Variants in TAFA1 observed in about 807,000 individuals in gnomAD.
TAFA1 encodes TAFA chemokine like family member 1.
In TAFA1, 4 loss-of-function variants were observed where a neutral mutation model predicts 18.5. That is an observed-to-expected ratio of 0.22 (90% confidence interval 0.11 to 0.49). The LOEUF is 0.49. Ranked by LOEUF, TAFA1 falls within the 20% of genes least tolerant of loss-of-function variation. The probability of loss-of-function intolerance (pLI) is 0.98; values close to 1 mark genes in which losing one functional copy is unlikely to be tolerated. For synonymous variants in TAFA1, 56 were observed against 55.2 expected (o/e 1.01, Z -0.06); for missense variants, 147 against 169.0 (o/e 0.87, Z 0.72).
intron 3 of TAFA1, among the ~76,000 whole-genome samples, chr3:68,478,608 G>A (rs542901371): frequency 4.6e-5 from 7 of 152,206 alleles, no homozygotes; most frequent in Middle Eastern, 3.4e-3. Flanking sequence ...ATCAGTTTTT[G>A]TAGATTGAGC....
chr3:68,427,258 C>A (rs1468594772), intron 3 of TAFA1, among the ~76,000 whole-genome samples: 2 of 151,844 alleles, frequency 1.3e-5, no homozygotes, highest in African/African-American at 4.8e-5. Flanking sequence ...ACTTTTCATC[C>A]TTTCTTTTTC....
intron 2 of TAFA1, among the ~76,000 whole-genome samples, chr3:68,024,516 T>G: frequency 6.7e-6 from 1 of 149,294 alleles, no homozygotes; most frequent in Non-Finnish European, 1.5e-5. Context: ...TAAACAGTCT[T>G]TCTTATTAGC....
intron 2 of TAFA1, among the ~76,000 whole-genome samples, chr3:68,272,703 C>A (rs1307760853): frequency 6.6e-6 from 1 of 152,122 alleles, no homozygotes; most frequent in African/African-American, 2.4e-5. Context: ...ATCTAAAATT[C>A]TCAGGAAAAC....
chr3:68,098,859 C>G (rs970598836), intron 2 of TAFA1, among the ~76,000 whole-genome samples: 2 of 152,062 alleles, frequency 1.3e-5, no homozygotes, highest in African/African-American at 4.8e-5. Context: ...TGCACACCTA[C>G]AACCATCTGA....
chr3:68,386,363 G>A (rs1250974727), intron 2 of TAFA1, among the ~76,000 whole-genome samples: 1 of 152,062 alleles, frequency 6.6e-6, no homozygotes, highest in African/African-American at 2.4e-5. Context: ...TTGTTCTCTG[G>A]TGATGTGTAG....
intron 2 of TAFA1, among the ~76,000 whole-genome samples, chr3:68,208,990 A>G (rs1050988678): frequency 6.6e-6 from 1 of 151,958 alleles, no homozygotes; most frequent in African/African-American, 2.4e-5. Context: ...TGGAGGAACA[A>G]CTGCCATTTC....
At chr3:68,290,414 T>C (rs1335209515) in intron 2 of TAFA1, among the ~76,000 whole-genome samples, 1 of 152,144 alleles carries the variant, frequency 6.6e-6, no homozygotes, top group Non-Finnish European at 1.5e-5. Flanking sequence ...TAATTTTATA[T>C]GAGTAGTGAA....
At chr3:68,485,243 A>C (rs775060556) in intron 3 of TAFA1, among the ~76,000 whole-genome samples, 1 of 152,166 alleles carries the variant, frequency 6.6e-6, no homozygotes, top group Non-Finnish European at 1.5e-5. Context: ...AAATGTTGTC[A>C]ACCTGCCAGC....
chr3:68,071,826 A>C (rs114403969), intron 2 of TAFA1, among the ~76,000 whole-genome samples: 1,660 of 152,250 alleles, frequency 0.011, 30 homozygotes, highest in African/African-American at 0.038. Flanking sequence ...AGCGAGGAAG[A>C]GGCACATCAT....
chr3:68,089,550 T>C (rs977109922), intron 2 of TAFA1, among the ~76,000 whole-genome samples: 14 of 152,212 alleles, frequency 9.2e-5, no homozygotes, highest in South Asian at 2.1e-4. Flanking sequence ...ATACCAGACA[T>C]TTATTTATAT....
At chr3:68,376,924 T>C (rs533356639) in intron 2 of TAFA1, among the ~76,000 whole-genome samples, 3 of 152,276 alleles carry the variant, frequency 2.0e-5, no homozygotes, top group East Asian at 3.9e-4. Flanking sequence ...CTGATGGTTC[T>C]ATAAGTGTTT....
intron 2 of TAFA1, among the ~76,000 whole-genome samples, chr3:68,095,727 T>G (rs1486040194): frequency 6.6e-6 from 1 of 152,172 alleles, no homozygotes; most frequent in Non-Finnish European, 1.5e-5. Context: ...TATTGAGCAC[T>G]TACTTACTGT....
intron 2 of TAFA1, among the ~76,000 whole-genome samples, chr3:68,250,196 G>A (rs2067166006): frequency 6.6e-6 from 1 of 152,002 alleles, no homozygotes; most frequent in African/African-American, 2.4e-5. Context: ...TGGAACCCTG[G>A]GCAAAACTGG....
At chr3:68,469,397 G>T (rs113467200) in intron 3 of TAFA1, among the ~76,000 whole-genome samples, 1 of 152,094 alleles carries the variant, frequency 6.6e-6, no homozygotes, top group African/African-American at 2.4e-5. Flanking sequence ...AGAGAGGGCC[G>T]GGCGCAGTGG....
rs991510202 is a variant in TAFA1, at chr3:68,138,273, T to G, written c.118+131529T>G. Among the ~76,000 whole-genome samples, 3 of 152,158 alleles carry G rather than the reference T, an allele frequency of 2.0e-5. No homozygotes were observed. The East Asian group carries it at 5.8e-4, about 29-fold the overall frequency. Reference sequence around the variant, plus strand: ...ATGTGCTATTTGTAGGCTGAAGCATTTAAGAGCTAGTGCAAGATCCCTTCA... The same window carrying G: ...ATGTGCTATTTGTAGGCTGAAGCATGTAAGAGCTAGTGCAAGATCCCTTCA... On this transcript the variant is annotated intron_variant, in intron 2 of 4. Transcript: ENST00000478136.
chr3:68,029,213 T>A (rs1311026511), intron 2 of TAFA1, among the ~76,000 whole-genome samples: 1 of 152,152 alleles, frequency 6.6e-6, no homozygotes, highest in Non-Finnish European at 1.5e-5. Flanking sequence ...TTCTAGGGAT[T>A]AGGACATGGA....
intron 2 of TAFA1, among the ~76,000 whole-genome samples, chr3:68,097,342 AAGAGC>A (rs2065097735): frequency 6.6e-6 from 1 of 152,184 alleles, no homozygotes; most frequent in African/African-American, 2.4e-5. Context: ...GTTCAGGTTG[AAGAGC>A]AGTTTGTTTC....
chr3:68,392,962 C>T (rs1360770241), intron 2 of TAFA1, among the ~76,000 whole-genome samples: 1 of 151,882 alleles, frequency 6.6e-6, no homozygotes, highest in Non-Finnish European at 1.5e-5. Context: ...GAAGCAAGAG[C>T]AAACAAATTC....
chr3:68,101,530 G>A (rs1045915523), intron 2 of TAFA1, among the ~76,000 whole-genome samples: 46 of 152,226 alleles, frequency 3.0e-4, no homozygotes, highest in African/African-American at 1.1e-3. Flanking sequence ...CATGTCCTTT[G>A]TAGGGACATG....
Sources: gnomAD v4.1 joint callset for allele counts (sites outside exome capture counted in the v4.1 genomes callset) on GRCh38, gnomAD v4.1.1 for gene constraint, MANE v1.5 for transcripts, NCBI Gene and HGNC (gene_info 2026-07-23, HGNC 2026-07-21) for gene names.